DPYSL3: variants seen among roughly 807,000 people sequenced by gnomAD.
DPYSL3 encodes the protein dihydropyrimidinase-related protein 3.
Under a neutral mutation model 66.1 loss-of-function variants are expected in DPYSL3, and 16 were observed. The observed-to-expected ratio is 0.24, with a 90% CI of 0.16 to 0.37. The LOEUF (loss-of-function observed/expected upper bound fraction) is 0.37, where lower values mean the gene tolerates loss of function less well. Ranked by LOEUF, DPYSL3 falls within the 10% of genes least tolerant of loss-of-function variation. DPYSL3 has a pLI of 1.00. For synonymous variants in DPYSL3, 338 were observed against 345.1 expected (o/e 0.98, Z 0.23); for missense variants, 738 against 916.2 (o/e 0.81, Z 2.51).
chr5:147,431,518 A>G (rs915401643), intron 1 of DPYSL3, among the ~76,000 whole-genome samples: 1 of 152,158 alleles, frequency 6.6e-6, no homozygotes, highest in Non-Finnish European at 1.5e-5. Context: ...TGCTTGGCAC[A>G]CTATAAATGC....
chr5:147,435,722 GA>G lies in DPYSL3; in HGVS notation c.382-10760del, dbSNP rs551677435. 8.0e-3 allele frequency among the ~76,000 whole-genome samples: 1,216 copies of G among 151,750 alleles called. 10 individuals carry two copies. The highest frequency in any genetic ancestry group is 0.025 in the African/African-American group (1,015 of 41,372). ...ACTTAGAAACAGCAAGTGGCAGGGG[GA>G]AAAAAAACAAAACAAAATAAGAAAA... On this transcript the variant is annotated intron_variant, in intron 1 of 13. Transcript: ENST00000343218.
At chr5:147,473,268 A>C (rs1006890215) in intron 1 of DPYSL3, 1 of 152,162 alleles carries the variant, frequency 6.6e-6, no homozygotes, top group African/African-American at 2.4e-5. Flanking sequence ...GGAAGACCTG[A>C]GTTTTCCAAG....
At chr5:147,409,316 T>C (rs1355696676) in intron 6 of DPYSL3, among the ~76,000 whole-genome samples, 1 of 152,240 alleles carries the variant, frequency 6.6e-6, no homozygotes, top group Non-Finnish European at 1.5e-5. Context: ...ATTGCCTGAA[T>C]TGTTTTTGTA....
rs1323861629 is a variant in DPYSL3, at chr5:147,435,760, T to C, written c.382-10797A>G. ...ACAAAATAAGAAAAGACCTTTAGCA[T>C]GCTGGGTGCCAGCAGGAAACAGATA... is the stretch of plus-strand genomic sequence containing the variant. On this transcript the variant is annotated intron_variant, in intron 1 of 13. Transcript: ENST00000343218. Among the ~76,000 whole-genome samples the C allele has an allele frequency of 3.9e-5, 6 of 152,344 alleles. No homozygotes were observed. The East Asian group carries it at 1.2e-3, about 29-fold the overall frequency.
intron 1 of DPYSL3, among the ~76,000 whole-genome samples, chr5:147,488,097 T>A (rs1753362700): frequency 6.6e-6 from 1 of 152,258 alleles, no homozygotes; most frequent in Non-Finnish European, 1.5e-5. Flanking sequence ...TTTATTTCTA[T>A]CTAAGTGGCA....
chr5:147,426,254 A>G (rs989345467), intron 1 of DPYSL3, among the ~76,000 whole-genome samples: 9 of 152,062 alleles, frequency 5.9e-5, no homozygotes, highest in African/African-American at 1.7e-4. Context: ...GAACTTCTCT[A>G]GGTAGAAGGA....
rs1035469319 is a variant in DPYSL3, at chr5:147,395,644, G to A, written c.1881C>T (p.Gly627=). 8.7e-6 allele frequency: 14 copies of A among 1,613,968 alleles called. No homozygotes were observed. In the African/African-American group the frequency reaches 1.1e-4, roughly 12 times the overall value. The change falls in exon 13 of 14, where the codon GGC becomes GGT. Residue 627 remains glycine (G), a synonymous_variant. Coordinates refer to ENST00000343218, the MANE Select transcript of DPYSL3 (RefSeq NM_001197294.2). Reference sequence around the variant, plus strand: ...AGCCCCGAGCAGAGCCTGCGGGGGTGCCACCTTTGGGGGTGGTGGTCAGGT... The same window carrying A: ...AGCCCCGAGCAGAGCCTGCGGGGGTACCACCTTTGGGGGTGGTGGTCAGGT... ...VFDLTTTPKG[G]TPAGSARGSP...
At chr5:147,395,340 G>T (rs922144761) in intron 13 of DPYSL3, among the ~76,000 whole-genome samples, 7 of 152,154 alleles carry the variant, frequency 4.6e-5, no homozygotes, top group African/African-American at 1.7e-4. Context: ...ACTTAAACCT[G>T]GTCTTCGGCC....
chr5:147,478,771 G>A (rs1359718231), intron 1 of DPYSL3, among the ~76,000 whole-genome samples: 3 of 152,094 alleles, frequency 2.0e-5, no homozygotes, highest in African/African-American at 7.2e-5. Context: ...CTCAAGGTTG[G>A]TTCTCTATCT....
At chr5:147,400,893 T>C in intron 9 of DPYSL3, 60 bp from the exon 10 acceptor site, 1 of 1,581,298 alleles carries the variant, frequency 6.3e-7, no homozygotes, top group Non-Finnish European at 8.6e-7. Context: ...CACTGGGAGC[T>C]TAGAGTCTTG....
chr5:147,424,375 T>C (rs941885812), intron 2 of DPYSL3, among the ~76,000 whole-genome samples: 2 of 152,198 alleles, frequency 1.3e-5, no homozygotes, highest in African/African-American at 4.8e-5. Flanking sequence ...GCTGTGCCAC[T>C]TACAGGCATC....
chr5:147,456,926 C>T (rs1752861888), intron 1 of DPYSL3, among the ~76,000 whole-genome samples: 2 of 152,044 alleles, frequency 1.3e-5, no homozygotes, highest in African/African-American at 4.8e-5. Context: ...ACTATGGTCT[C>T]CTCTCATGAT....
chr5:147,493,336 G>A (rs540875681), intron 1 of DPYSL3, among the ~76,000 whole-genome samples: 2 of 152,302 alleles, frequency 1.3e-5, no homozygotes, highest in South Asian at 4.1e-4. Context: ...AATTTGGGAG[G>A]TGGAAGCAGG....
intron 4 of DPYSL3, 87 bp from the exon 5 acceptor site, chr5:147,413,744 A>G (rs1751902559): frequency 9.3e-7 from 1 of 1,070,762 alleles, no homozygotes; most frequent in Non-Finnish European, 1.4e-6. Context: ...TCCATCGACC[A>G]TAGCACCCAG....
intron 1 of DPYSL3, among the ~76,000 whole-genome samples, chr5:147,488,222 A>G (rs968500567): frequency 2.6e-5 from 4 of 152,228 alleles, no homozygotes; most frequent in African/African-American, 9.6e-5. Context: ...TAGCTAAAGC[A>G]GAAAACATCA....
At chr5:147,429,781 G>T (rs1752273161) in intron 1 of DPYSL3, among the ~76,000 whole-genome samples, 1 of 152,128 alleles carries the variant, frequency 6.6e-6, no homozygotes, top group East Asian at 1.9e-4. Flanking sequence ...AGCTCTTTCT[G>T]ACAGGGCTCT....
intron 1 of DPYSL3, chr5:147,453,772 A>G: frequency 7.7e-7 from 1 of 1,296,910 alleles, no homozygotes; most frequent in Non-Finnish European, 9.8e-7. Flanking sequence ...AGACAATAGT[A>G]AATCTCCCCG....
intron 1 of DPYSL3, among the ~76,000 whole-genome samples, chr5:147,474,354 A>C (rs1162604015): frequency 6.6e-6 from 1 of 152,122 alleles, no homozygotes; most frequent in Non-Finnish European, 1.5e-5. Context: ...CTTTTCATGA[A>C]TTTAATAATA....
In DPYSL3 at chr5:147,453,638, C is replaced by G. The variant is rs371812308; in HGVS notation, c.382-28675G>C. The G allele has an allele frequency of 2.6e-6, 4 of 1,512,096 alleles. No homozygotes were observed. The African/African-American group carries it at 5.7e-5, about 22-fold the overall frequency. 93.7% of individuals were successfully genotyped at this position (1,512,096 alleles called of 1,614,324 possible). On this transcript the variant is annotated intron_variant, in intron 1 of 13. Coordinates refer to ENST00000343218, the MANE Select transcript of DPYSL3 (RefSeq NM_001197294.2). ...GGCTCCCTCCCTCCTTCTTCTGCTC[C>G]GGCTCGCCCGCGCCTTCCTCAGCGC...
Sources: gnomAD v4.1 joint callset for allele counts (sites outside exome capture counted in the v4.1 genomes callset) on GRCh38, gnomAD v4.1.1 for gene constraint, MANE v1.5 for transcripts, NCBI Gene and HGNC (gene_info 2026-07-23, HGNC 2026-07-21) for gene names.